Variants in ATR observed in about 807,000 individuals in gnomAD.
ATR encodes serine/threonine-protein kinase ATR.
In ATR, 142 loss-of-function variants were observed where a neutral mutation model predicts 305.3. The ratio of observed to expected loss-of-function variants is 0.47; its 90% CI spans 0.41 to 0.53. ATR has a LOEUF of 0.53. Among genes scored for constraint, ATR ranks in the 20% least tolerant of loss-of-function variants. ATR has a pLI of 0.00. For missense variants in ATR, 2,135 were observed against 3,133.1 expected, an observed-to-expected ratio of 0.68 and a Z score of 7.60; for synonymous variants, 1,050 against 1,068.1, an observed-to-expected ratio of 0.98 and a Z score of 0.33.
In ATR at chr3:142,562,978, A is replaced by C. The variant is rs1052799986; in HGVS notation, c.424T>G (p.Phe142Val). The C allele has an allele frequency of 1.2e-6, 2 of 1,607,652 alleles. No homozygotes were observed. The highest frequency in any genetic ancestry group is 1.7e-6 in the Non-Finnish European group (2 of 1,178,434). Residue 142 changes from phenylalanine (F) to valine (V), a missense_variant, in exon 4 of 47, where the codon TTT becomes GTT. By Grantham distance (50) the Phe-to-Val change is conservative. Around this residue, in one of 9 missense-constraint regions of ATR, gnomAD observed 744 missense variants for 873.2 expected, o/e 0.85. Transcript: ENST00000350721. Reference protein sequence around the residue: ...FLFKSKSPAIFGVLTKELLQL... With the variant: ...FLFKSKSPAIVGVLTKELLQL... ...AATAATTCTTTTGTGAGTACCCCAA[A>C]AATAGCAGGACTCTTGCTTTTAAAA...
At chr3:142,450,177 C>T (rs1450072773) in intron 46 of ATR, 7 of 461,000 alleles carry the variant, frequency 1.5e-5, no homozygotes, top group South Asian at 6.2e-5. Context: ...CATCTGCCAT[C>T]GACTTTTCCG....
chr3:142,450,587 T>C (rs1387934137), intron 46 of ATR: 2 of 1,607,848 alleles, frequency 1.2e-6, no homozygotes, highest in East Asian at 2.2e-5. Flanking sequence ...TTAAATGAAT[T>C]TGAAGAACTT....
rs146165777 is a variant in ATR at position 142,477,153 on chromosome 3, G to A, written c.6222-6970C>T. On this transcript the variant is annotated intron_variant, in intron 36 of 46. Transcript: ENST00000350721. ...TATGTTGAATAGGAGTGGTGAGAGA[G>A]GGCATCCCTGTCTTATGCCAGTTTT... 0.011 allele frequency among the ~76,000 whole-genome samples: 1,632 copies of A among 152,272 alleles called. 54 individuals carry two copies. In the East Asian group the frequency reaches 0.12, roughly 11 times the overall value.
intron 13 of ATR, among the ~76,000 whole-genome samples, chr3:142,552,684 A>AAC (rs1559987930): frequency 6.6e-6 from 1 of 151,632 alleles, no homozygotes; most frequent in Non-Finnish European, 1.5e-5. Flanking sequence ...AAAAAAAAAA[A>AAC]AAAGCAAAGT....
In ATR at chr3:142,559,142, AC is replaced by A; in HGVS notation, c.1732+108del. 3 of 1,202,694 alleles carry A rather than the reference AC, an allele frequency of 2.5e-6. No homozygotes were observed. In the South Asian group the frequency reaches 4.4e-5, roughly 18 times the overall value. The allele number at this position is 1,202,694 out of a possible 1,614,324, so 74.5% of individuals were successfully genotyped here. Reference sequence around the variant, plus strand: ...TTAATAGAACTGAAATCAGGAAAAAACTTCTGAGTATTCCAAACACGCACTT... The same window carrying A: ...TTAATAGAACTGAAATCAGGAAAAAATTCTGAGTATTCCAAACACGCACTT... On this transcript the variant is annotated intron_variant, in intron 7 of 46. Transcript: ENST00000350721.
intron 21 of ATR, among the ~76,000 whole-genome samples, chr3:142,528,871 A>ATTT: frequency 1.8e-5 from 1 of 56,548 alleles, no homozygotes; most frequent in Non-Finnish European, 3.1e-5. Flanking sequence ...ATATATATAT[A>ATTT]TATATATATT....
intron 23 of ATR, 22 bp downstream of exon 23, chr3:142,522,706 T>A (rs1442953277): frequency 2.6e-6 from 4 of 1,553,906 alleles, no homozygotes; most frequent in Non-Finnish European, 3.6e-6. Context: ...TTAAAGCCAG[T>A]AATGACTATA....
At chr3:142,535,042 C>T (rs2108423950) in intron 21 of ATR, 38 bp downstream of exon 21, 1 of 1,572,330 alleles carries the variant, frequency 6.4e-7, no homozygotes, top group South Asian at 1.2e-5. Context: ...TCCAATCTTT[C>T]TTTGTTATAC....
At chr3:142,458,844 AT>A in intron 44 of ATR, 113 bp downstream of exon 44, 1 of 1,240,240 alleles carries the variant, frequency 8.1e-7, no homozygotes, top group Non-Finnish European at 1.2e-6. Context: ...AATTCTCAGT[AT>A]AACTCAACTG....
chr3:142,552,669 C>CAAAAAAA (rs143475912), intron 13 of ATR, among the ~76,000 whole-genome samples: 2 of 93,292 alleles, frequency 2.1e-5, no homozygotes, highest in Non-Finnish European at 2.1e-5. Flanking sequence ...TACTCCATCT[C>CAAAAAAA]AAAAAAAAAA....
At chr3:142,516,860 C>T (rs1365846300) in intron 24 of ATR, among the ~76,000 whole-genome samples, 3 of 151,968 alleles carry the variant, frequency 2.0e-5, no homozygotes, top group Non-Finnish European at 4.4e-5. Context: ...AACATGTTCA[C>T]ACAGCTCTCA....
rs75602529 is a variant in ATR at position 142,498,913 on chromosome 3, C to A, written c.5381-139G>T. The A allele has an allele frequency of 6.3e-3, 5,257 of 833,958 alleles. 29 individuals are homozygous for A. Among genetic ancestry groups the A allele is most frequent in the Non-Finnish European group, 8.4e-3 (4,304 of 515,256 alleles). The allele number at this position is 833,958 out of a possible 1,614,324, so 51.7% of individuals were successfully genotyped here. Reference sequence around the variant, plus strand: ...TTTTTTTTTTTGAGACAGAGTCTCACTCTGTGGTCCAGGATAGAGGGCTAT... The same window carrying A: ...TTTTTTTTTTTGAGACAGAGTCTCAATCTGTGGTCCAGGATAGAGGGCTAT... On this transcript the variant is annotated intron_variant, in intron 31 of 46. Coordinates refer to ENST00000350721, the MANE Select transcript of ATR (RefSeq NM_001184.4).
At chr3:142,496,944 ACC>A in intron 33 of ATR, 67 bp downstream of exon 33, 1 of 1,494,354 alleles carries the variant, frequency 6.7e-7, no homozygotes, top group Non-Finnish European at 9.2e-7. Flanking sequence ...AAATACAAAC[ACC>A]CCCAAATAAT....
chr3:142,569,718 C>T (rs2035200591), intron 1 of ATR, among the ~76,000 whole-genome samples: 1 of 151,814 alleles, frequency 6.6e-6, no homozygotes, highest in African/African-American at 2.4e-5. Flanking sequence ...ATGATCTCAA[C>T]TCACTGCAAC....
intron 34 of ATR, 40 bp downstream of exon 34, chr3:142,496,321 T>TGACATTTCCCTGGCC (rs1559937695): frequency 3.5e-6 from 1 of 285,438 alleles, no homozygotes; most frequent in East Asian, 1.0e-4. Flanking sequence ...TATATATATA[T>TGACATTTCCCTGGCC]ATATATATAT....
intron 27 of ATR, among the ~76,000 whole-genome samples, chr3:142,511,484 C>T (rs1365019367): frequency 2.0e-5 from 3 of 151,184 alleles, no homozygotes; most frequent in East Asian, 2.0e-4. Flanking sequence ...GGTGAAACCC[C>T]GTCTCTACTA....
intron 32 of ATR, among the ~76,000 whole-genome samples, chr3:142,498,360 C>G (rs189178703): frequency 6.6e-6 from 1 of 152,226 alleles, no homozygotes; most frequent in Admixed American, 6.5e-5. Flanking sequence ...TACAAGAGGA[C>G]AAACATAAGA....
In ATR at chr3:142,449,548, G is replaced by A. The variant is rs749753899; in HGVS notation, c.7816C>T (p.Arg2606Ter). The A allele has an allele frequency of 2.5e-6, 4 of 1,613,878 alleles. No individual in the cohort carries two copies. The highest frequency in any genetic ancestry group is 1.7e-5 in the Admixed American group (1 of 60,004). ...AACGGCAGTCCTGTCACTCTATTTC[G>A]AGTCTTGATTACACCTTGTAGTCGC... Reference protein sequence around the residue: ...EQRLQGVIKTRNRVTGLPLSI... With the variant: ...EQRLQGVIKT The change falls in exon 47 of 47, where the codon CGA becomes TGA. Residue 2606 changes from arginine to a stop codon, truncating the protein, a stop_gained. Transcript: ENST00000350721. LOFTEE classifies it high-confidence loss of function.
At chr3:142,463,280 C>T (rs1414897377) in intron 41 of ATR, among the ~76,000 whole-genome samples, 1 of 152,074 alleles carries the variant, frequency 6.6e-6, no homozygotes, top group African/African-American at 2.4e-5. Context: ...TAAACTAAAG[C>T]CAGGCCACTT....
Sources: gnomAD v4.1 joint callset for allele counts (sites outside exome capture counted in the v4.1 genomes callset) on GRCh38, gnomAD v4.1.1 for gene constraint, gnomAD v4.1.1 regional missense constraint, MANE v1.5 for transcripts, NCBI Gene and HGNC (gene_info 2026-07-23, HGNC 2026-07-21) for gene names.